Variants in LYPLAL1 observed in about 807,000 individuals in gnomAD.
LYPLAL1 encodes lysophospholipase-like protein 1.
In LYPLAL1, 23 loss-of-function variants were observed where a neutral mutation model predicts 19.7. The observed-to-expected ratio is 1.17, with a 90% CI of 0.84 to 1.65. The LOEUF (loss-of-function observed/expected upper bound fraction) is 1.65, where lower values mean the gene tolerates loss of function less well. Ranked by LOEUF, LYPLAL1 falls within the 40% of genes most tolerant of loss-of-function variation. LYPLAL1 has a pLI of 0.00. For missense variants in LYPLAL1, 355 were observed against 279.4 expected (o/e 1.27, Z -1.93); for synonymous variants, 119 against 96.3 (o/e 1.24, Z -1.38).
chr1:219,202,184 G>A (rs1043730029), intron 3 of LYPLAL1, among the ~76,000 whole-genome samples: 8 of 152,114 alleles, frequency 5.3e-5, no homozygotes, highest in African/African-American at 1.9e-4. Context: ...CTTGGATGAT[G>A]GTAATAATAT....
the LYPLAL1 span, among the ~76,000 whole-genome samples, chr1:219,375,728 G>A: frequency 6.7e-6 from 1 of 148,844 alleles, no homozygotes; most frequent in African/African-American, 2.4e-5. Context: ...GAGTTTTTAT[G>A]CTTCCTGATT....
the LYPLAL1 span, among the ~76,000 whole-genome samples, chr1:219,378,990 A>T: frequency 6.6e-6 from 1 of 152,320 alleles, no homozygotes; most frequent in East Asian, 1.9e-4. Flanking sequence ...TTCATAATTC[A>T]TACTATTTCA....
At chr1:219,183,995 T>C (rs933523824) in intron 2 of LYPLAL1, among the ~76,000 whole-genome samples, 1 of 151,926 alleles carries the variant, frequency 6.6e-6, no homozygotes, top group African/African-American at 2.4e-5. Context: ...ATCACAGCTG[T>C]ATAGAAAATT....
chr1:219,250,544 A>G, the LYPLAL1 span, among the ~76,000 whole-genome samples: 1 of 151,852 alleles, frequency 6.6e-6, no homozygotes, highest in Admixed American at 6.6e-5. Flanking sequence ...TATTGTACAT[A>G]TTATTTCATC....
rs148253759 is a variant in LYPLAL1 at position 219,189,570 on chromosome 1, CTT to C, written c.192-3510_192-3509del. On this transcript the variant is annotated intron_variant, in intron 2 of 4. Transcript: ENST00000366928. The stretch of plus-strand genomic sequence containing the variant: ...CCCCTTCTGATTCTAATTTATCTAC[CTT>C]TCTAGAGCCACACAGCTTCTGGGGT... Among the ~76,000 whole-genome samples the C allele has an allele frequency of 3.5e-3, 537 of 151,600 alleles. 6 individuals carry two copies. The highest frequency in any genetic ancestry group is 0.013 in the African/African-American group (518 of 41,434).
chr1:219,217,702 G>A (rs1316497739), downstream of LYPLAL1, among the ~76,000 whole-genome samples: 1 of 152,018 alleles, frequency 6.6e-6, no homozygotes, highest in Non-Finnish European at 1.5e-5. Context: ...TGCTAAGGCT[G>A]GGAACCCTGG....
chr1:219,288,130 A>G, the LYPLAL1 span, among the ~76,000 whole-genome samples: 1 of 152,192 alleles, frequency 6.6e-6, no homozygotes, highest in South Asian at 2.1e-4. Flanking sequence ...TACCCAAAGA[A>G]GTTAAAAATT....
chr1:219,345,154 AAATAT>A, the LYPLAL1 span, among the ~76,000 whole-genome samples: 68 of 152,316 alleles, frequency 4.5e-4, no homozygotes, highest in African/African-American at 1.5e-3. Context: ...GAGTGTCTTC[AAATAT>A]AATATATCAG....
At chr1:219,379,051 T>A in the LYPLAL1 span, among the ~76,000 whole-genome samples, 22 of 152,254 alleles carry the variant, frequency 1.4e-4, no homozygotes, top group African/African-American at 5.3e-4. Context: ...CATTTTAACA[T>A]TTCTCTCTAT....
At chr1:219,277,347 T>C in the LYPLAL1 span, among the ~76,000 whole-genome samples, 2 of 152,150 alleles carry the variant, frequency 1.3e-5, no homozygotes, top group African/African-American at 2.4e-5. Context: ...TCAGCAATTT[T>C]GGTGTTGTAA....
chr1:219,268,883 C>T, the LYPLAL1 span, among the ~76,000 whole-genome samples: 192 of 152,346 alleles, frequency 1.3e-3, 1 homozygote, highest in African/African-American at 4.4e-3. Flanking sequence ...GGATTTATAA[C>T]TTGGCCCCCA....
At chr1:219,386,596 A>G in the LYPLAL1 span, among the ~76,000 whole-genome samples, 1 of 152,122 alleles carries the variant, frequency 6.6e-6, no homozygotes, top group Non-Finnish European at 1.5e-5. Flanking sequence ...CTGACTTTGT[A>G]CAATCTTAAG....
the LYPLAL1 span, among the ~76,000 whole-genome samples, chr1:219,274,258 G>T: frequency 6.6e-6 from 1 of 152,216 alleles, no homozygotes; most frequent in African/African-American, 2.4e-5. Flanking sequence ...TCACACTGAT[G>T]TAGGGGCCCA....
the LYPLAL1 span, among the ~76,000 whole-genome samples, chr1:219,362,356 A>G: frequency 6.6e-6 from 1 of 152,076 alleles, no homozygotes; most frequent in East Asian, 1.9e-4. Flanking sequence ...ATAATAGAGT[A>G]CTCCTCTCCT....
At chr1:219,240,608 T>C in the LYPLAL1 span, among the ~76,000 whole-genome samples, 2 of 152,204 alleles carry the variant, frequency 1.3e-5, no homozygotes, top group African/African-American at 4.8e-5. Context: ...TTGCTCCCTA[T>C]GATTTTAAAT....
At chr1:219,347,406 A>G in the LYPLAL1 span, among the ~76,000 whole-genome samples, 3 of 152,190 alleles carry the variant, frequency 2.0e-5, no homozygotes, top group Non-Finnish European at 4.4e-5. Context: ...GAACTGTTTA[A>G]GTCAGAACCC....
chr1:219,320,218 G>T, the LYPLAL1 span, among the ~76,000 whole-genome samples: 15 of 151,972 alleles, frequency 9.9e-5, no homozygotes, highest in Admixed American at 9.8e-4. Context: ...TTTACCTGCT[G>T]GGATGACACA....
At chr1:219,425,531 C>A in the LYPLAL1 span, among the ~76,000 whole-genome samples, 1 of 152,150 alleles carries the variant, frequency 6.6e-6, no homozygotes, top group African/African-American at 2.4e-5. Flanking sequence ...ACATCCAGCT[C>A]CCTTGATAGA....
the LYPLAL1 span, among the ~76,000 whole-genome samples, chr1:219,442,199 T>C: frequency 1.4e-4 from 22 of 152,194 alleles, no homozygotes; most frequent in Non-Finnish European, 2.9e-4. Context: ...CTTCCCTTCC[T>C]TTCCATTTAA....
Sources: gnomAD v4.1 joint callset for allele counts (sites outside exome capture counted in the v4.1 genomes callset) on GRCh38, gnomAD v4.1.1 for gene constraint, MANE v1.5 for transcripts, NCBI Gene and HGNC (gene_info 2026-07-23, HGNC 2026-07-21) for gene names.